The following FBXW10B variants were observed in gnomAD, a reference collection of about 807,000 sequenced individuals.
The protein encoded by FBXW10B is F-box and WD repeat domain containing protein 10B.
At chr17:15,578,910 A>C in the FBXW10B span, among the ~76,000 whole-genome samples, 1 of 152,108 alleles carries the variant, frequency 6.6e-6, no homozygotes, top group Non-Finnish European at 1.5e-5. Flanking sequence ...TTTTATAGGC[A>C]ATCTTTCTTC....
At chr17:15,574,090 G>A in the FBXW10B span, 6 of 721,042 alleles carry the variant, frequency 8.3e-6, no homozygotes, top group Non-Finnish European at 1.5e-5. Flanking sequence ...GGTTGCCTCC[G>A]TCACTGTTCT....
the FBXW10B span, among the ~76,000 whole-genome samples, chr17:15,571,087 T>G: frequency 6.6e-6 from 1 of 152,238 alleles, no homozygotes; most frequent in Non-Finnish European, 1.5e-5. Flanking sequence ...GGCTCACGCC[T>G]GTAATCCTAG....
the FBXW10B span, among the ~76,000 whole-genome samples, chr17:15,579,372 T>C: frequency 6.6e-6 from 1 of 152,172 alleles, no homozygotes; most frequent in Non-Finnish European, 1.5e-5. Context: ...CACTCTACAA[T>C]ATCTATAACT....
At chr17:15,583,953 T>C in the FBXW10B span, among the ~76,000 whole-genome samples, 1 of 152,226 alleles carries the variant, frequency 6.6e-6, no homozygotes, top group African/African-American at 2.4e-5. Context: ...CCAGTGTTGA[T>C]ACAGGTTCTA....
At chr17:15,610,964 G>C in the FBXW10B span, among the ~76,000 whole-genome samples, 3 of 151,868 alleles carry the variant, frequency 2.0e-5, no homozygotes, top group Admixed American at 2.0e-4. Context: ...TAAAATGGGT[G>C]AAGGGACCAG....
chr17:15,614,251 C>T, the FBXW10B span, among the ~76,000 whole-genome samples: 1 of 151,986 alleles, frequency 6.6e-6, no homozygotes, highest in South Asian at 2.1e-4. Context: ...TGTAGTGGCG[C>T]GATCTCGGCT....
At chr17:15,603,483 T>A in the FBXW10B span, among the ~76,000 whole-genome samples, 3 of 152,122 alleles carry the variant, frequency 2.0e-5, no homozygotes, top group African/African-American at 7.2e-5. Flanking sequence ...TCATTAGTAA[T>A]CAGGAAAGTT....
the FBXW10B span, among the ~76,000 whole-genome samples, chr17:15,609,852 C>CTTTTTTTTTTTT: frequency 1.1e-3 from 113 of 103,192 alleles, no homozygotes; most frequent in Non-Finnish European, 1.4e-3. Context: ...TTCTTTCTTT[C>CTTTTTTTTTTTT]TTTTTTTTTT....
At chr17:15,584,972 T>C in the FBXW10B span, among the ~76,000 whole-genome samples, 3 of 145,576 alleles carry the variant, frequency 2.1e-5, no homozygotes, top group East Asian at 1.9e-4. Flanking sequence ...CTTCTTCTTT[T>C]TTTTTTTTTT....
chr17:15,582,098 G>A, the FBXW10B span, among the ~76,000 whole-genome samples: 1 of 151,284 alleles, frequency 6.6e-6, no homozygotes, highest in African/African-American at 2.4e-5. Flanking sequence ...GTGTGTGCCT[G>A]TGTGCGTCTC....
chr17:15,600,412 A>G, the FBXW10B span, among the ~76,000 whole-genome samples: 1 of 148,482 alleles, frequency 6.7e-6, no homozygotes, highest in Admixed American at 6.8e-5. Flanking sequence ...GAATGATGGC[A>G]CAGTGCTCTG....
At chr17:15,566,303 G>A in the FBXW10B span, 1 of 1,572,240 alleles carries the variant, frequency 6.4e-7, no homozygotes, top group South Asian at 1.1e-5. Context: ...TGACTGGGCA[G>A]TTTTCCAGGA....
At chr17:15,594,809 C>T in the FBXW10B span, 1 of 1,613,982 alleles carries the variant, frequency 6.2e-7, no homozygotes, top group Non-Finnish European at 8.5e-7. Context: ...CAGGCCATGA[C>T]CAGGCCATCA....
At chr17:15,612,697 C>T in the FBXW10B span, 1 of 1,613,976 alleles carries the variant, frequency 6.2e-7, no homozygotes, top group Non-Finnish European at 8.5e-7. Context: ...CTGTTGGAAC[C>T]CACCTTCGTT....
chr17:15,614,333 C>T, the FBXW10B span, among the ~76,000 whole-genome samples: 10 of 152,064 alleles, frequency 6.6e-5, no homozygotes, highest in Admixed American at 2.6e-4. Context: ...GGACTACAGG[C>T]GCCCGCCACC....
At chr17:15,592,163 C>T in the FBXW10B span, among the ~76,000 whole-genome samples, 1 of 152,142 alleles carries the variant, frequency 6.6e-6, no homozygotes, top group South Asian at 2.1e-4. Flanking sequence ...AGAAAAGTAA[C>T]TTGTTTTGGC....
At chr17:15,582,673 A>T in the FBXW10B span, among the ~76,000 whole-genome samples, 2 of 151,854 alleles carry the variant, frequency 1.3e-5, no homozygotes, top group Admixed American at 1.3e-4. Context: ...AGTTCAAGTA[A>T]CTTGCAAATA....
chr17:15,596,455 G>A, the FBXW10B span: 1 of 1,395,908 alleles, frequency 7.2e-7, no homozygotes, highest in African/African-American at 1.5e-5. Context: ...TAGGTAGGGG[G>A]AGCCCACCCA....
At chr17:15,607,027 C>T in the FBXW10B span, among the ~76,000 whole-genome samples, 7 of 151,914 alleles carry the variant, frequency 4.6e-5, no homozygotes, top group Non-Finnish European at 7.4e-5. Context: ...ATTATAAATA[C>T]GATTGTCATA....
Sources: allele counts gnomAD v4.1 joint callset (sites outside exome capture counted in the v4.1 genomes callset), GRCh38; gene constraint gnomAD v4.1.1; transcripts MANE v1.5; gene names NCBI Gene and HGNC (gene_info 2026-07-23, HGNC 2026-07-21).